The following CRLF3 variants were observed in gnomAD, a reference collection of about 807,000 sequenced individuals.
CRLF3 encodes cytokine receptor-like factor 3.
A neutral mutation model predicts 55.0 loss-of-function variants in CRLF3; 33 were observed. The observed-to-expected ratio is 0.60, with a 90% confidence interval of 0.46 to 0.80. The LOEUF (loss-of-function observed/expected upper bound fraction) is 0.80, where lower values mean the gene tolerates loss of function less well. Ranked by LOEUF, CRLF3 falls within the 30% of genes least tolerant of loss-of-function variation. The probability of loss-of-function intolerance (pLI) is 0.00; values close to 1 mark genes in which losing one functional copy is unlikely to be tolerated. For synonymous variants in CRLF3, 238 were observed against 196.8 expected (o/e 1.21, Z -1.75); for missense variants, 494 against 538.4 (o/e 0.92, Z 0.82).
chr17:30,800,377 C>T (rs1971988087), intron 2 of CRLF3, among the ~76,000 whole-genome samples: 1 of 152,154 alleles, frequency 6.6e-6, no homozygotes, highest in Non-Finnish European at 1.5e-5. Context: ...GTATTTCCAT[C>T]TTAAGCACCT....
At chr17:30,796,462 T>G in intron 3 of CRLF3, 125 bp from the exon 4 acceptor site, 1 of 636,630 alleles carries the variant, frequency 1.6e-6, no homozygotes, top group Non-Finnish European at 2.6e-6. Flanking sequence ...CTCATGGCAG[T>G]AGGGGATTTG....
intron 1 of CRLF3, among the ~76,000 whole-genome samples, chr17:30,804,563 A>C (rs557258108): frequency 6.6e-6 from 1 of 152,308 alleles, no homozygotes; most frequent in South Asian, 2.1e-4. Flanking sequence ...TAGATTCTAC[A>C]TATGAGATCG....
At chr17:30,824,130 G>T (rs1272852370) in intron 1 of CRLF3, among the ~76,000 whole-genome samples, 1 of 151,624 alleles carries the variant, frequency 6.6e-6, no homozygotes, top group Non-Finnish European at 1.5e-5. Context: ...CTCTTCCTCA[G>T]GCTCTCTAAA....
Position 30,793,555 on chromosome 17 carries a change from G to C in CRLF3, c.721C>G (p.Pro241Ala). 1 of 1,613,884 alleles carries C rather than the reference G, an allele frequency of 6.2e-7. No homozygotes were observed. Among genetic ancestry groups the C allele is most frequent in the East Asian group, 2.2e-5 (1 of 44,880 alleles). The stretch of plus-strand genomic sequence containing the variant: ...ACTCTGAACTGGTAATCAACGTTGG[G>C]GTCTATGTGCAATACTATGAATTCA... ...ETEFIVLHID[P>A]NVDYQFRVCA... The change falls in exon 5 of 8, where the codon CCC becomes GCC. Residue 241 changes from proline to alanine, a missense_variant. By Grantham distance (27) the Pro-to-Ala change is conservative (BLOSUM62 -1). Transcript: ENST00000324238.
intron 2 of CRLF3, among the ~76,000 whole-genome samples, chr17:30,798,085 AAAG>A (rs1971951718): frequency 1.3e-5 from 2 of 152,078 alleles, no homozygotes; most frequent in Admixed American, 1.3e-4. Flanking sequence ...AGAACAATAA[AAAG>A]AAAATGTCAG....
chr17:30,804,735 C>A (rs1904336383), intron 1 of CRLF3, among the ~76,000 whole-genome samples: 1 of 152,038 alleles, frequency 6.6e-6, no homozygotes, highest in South Asian at 2.1e-4. Flanking sequence ...AAATGTGATT[C>A]ATTTGCACAA....
rs57194440 is a variant in CRLF3, at chr17:30,815,541, CTT to C, written c.129+8980_129+8981del. Reference sequence around the variant, plus strand: ...CCGACCAGAAAATGGCTAGTTTCTTCTTTTTTTTTTTTTTTTTTTTGAGATGC... The same window carrying C: ...CCGACCAGAAAATGGCTAGTTTCTTCTTTTTTTTTTTTTTTTTTGAGATGC... On this transcript the variant is annotated intron_variant, in intron 1 of 7. Coordinates refer to ENST00000324238, the MANE Select transcript of CRLF3 (RefSeq NM_015986.4). Among the ~76,000 whole-genome samples, 653 of 116,338 alleles carry C rather than the reference CTT, an allele frequency of 5.6e-3. 4 individuals carry two copies. The highest frequency in any genetic ancestry group is 8.5e-3 in the Non-Finnish European group (485 of 57,286). The allele number at this position is 116,338 out of a possible 152,430, so 76.3% of individuals were successfully genotyped here.
At chr17:30,820,861 G>A (rs1904973984) in intron 1 of CRLF3, among the ~76,000 whole-genome samples, 1 of 149,832 alleles carries the variant, frequency 6.7e-6, no homozygotes, top group Admixed American at 6.7e-5. Flanking sequence ...AACTGTCTGG[G>A]AAACACAGGA....
chr17:30,785,194 G>A (rs1237042773), intron 7 of CRLF3: 5 of 144,804 alleles, frequency 3.5e-5, no homozygotes, highest in Non-Finnish European at 7.4e-5. Context: ...TCCTACCTCA[G>A]CCTCCCAAGT....
chr17:30,793,480 G>A lies in CRLF3; in HGVS notation c.796C>T (p.Gln266Ter). The part of the protein sequence containing the change: ...RQEWSPWSVP[Q>*]IGHSTLVPHE... ...GGCACCAATGTGGAATGACCTATCT[G>A]GGGGACACTCCAAGGACTCCACTCC... The change falls in exon 5 of 8, where the codon CAG becomes TAG. Residue 266 changes from glutamine (Q) to a stop codon, truncating the protein, a stop_gained. Transcript: ENST00000324238. LOFTEE classifies it high-confidence loss of function. The A allele has an allele frequency of 6.2e-7, 1 of 1,614,002 alleles. No individual in the cohort carries two copies. Among genetic ancestry groups the A allele is most frequent in the Non-Finnish European group, 8.5e-7 (1 of 1,179,928 alleles).
At chr17:30,785,890 C>G in intron 7 of CRLF3, 29 bp downstream of exon 7, 1 of 1,145,510 alleles carries the variant, frequency 8.7e-7, no homozygotes. Flanking sequence ...AATATATTTC[C>G]AAGAGAATGA....
chr17:30,782,760 T>G lies in CRLF3; in HGVS notation c.*1427A>C, dbSNP rs1352290449. 6.6e-6 allele frequency: 1 copy of G among 152,142 alleles called. No individual in the cohort carries two copies. The highest frequency in any genetic ancestry group is 1.5e-5 in the Non-Finnish European group (1 of 68,022). The allele number at this position is 152,142 out of a possible 1,614,324, so 9.4% of individuals were successfully genotyped here. ...CATTCTAGAACATCTTCTTAATCCC[T>G]AAACAAGTGGAAATCTACTACTTAT... On this transcript the variant is annotated 3_prime_UTR_variant, in exon 8 of 8. Coordinates refer to ENST00000324238, the MANE Select transcript of CRLF3 (RefSeq NM_015986.4).
intron 6 of CRLF3, chr17:30,786,926 CTGACCTCAGG>C (rs1971660980): frequency 6.6e-6 from 1 of 152,292 alleles, no homozygotes; most frequent in Non-Finnish European, 1.5e-5. Flanking sequence ...TCTCGAACTC[CTGACCTCAGG>C]TGATCCGCCT....
chr17:30,817,615 T>C (rs1567669156), intron 1 of CRLF3, among the ~76,000 whole-genome samples: 1 of 151,844 alleles, frequency 6.6e-6, no homozygotes, highest in Non-Finnish European at 1.5e-5. Flanking sequence ...TACATCAAAA[T>C]GTTAACTGCA....
intron 4 of CRLF3, among the ~76,000 whole-genome samples, chr17:30,795,486 A>G (rs552585699): frequency 4.1e-4 from 60 of 146,350 alleles, no homozygotes; most frequent in African/African-American, 1.5e-3. Flanking sequence ...ACAACAACGA[A>G]ACTCTGTCTC....
chr17:30,820,819 C>T (rs1904969204), intron 1 of CRLF3, among the ~76,000 whole-genome samples: 1 of 111,384 alleles, frequency 9.0e-6, no homozygotes, highest in Non-Finnish European at 1.8e-5. Context: ...GAGCGAGACT[C>T]TCTCAAAAAA....
intron 1 of CRLF3, among the ~76,000 whole-genome samples, chr17:30,814,899 G>T (rs937649540): frequency 1.3e-5 from 2 of 151,168 alleles, no homozygotes; most frequent in African/African-American, 4.9e-5. Flanking sequence ...TACTCGGAAG[G>T]CTGAAGGAGG....
At chr17:30,796,418 G>A (rs1286385182) in intron 3 of CRLF3, 81 bp from the exon 4 acceptor site, 2 of 1,121,176 alleles carry the variant, frequency 1.8e-6, no homozygotes, top group Non-Finnish European at 2.5e-6. Context: ...GCAGTCACAT[G>A]CTTGAAAGAT....
At chr17:30,813,163 G>A (rs917497173) in intron 1 of CRLF3, among the ~76,000 whole-genome samples, 2 of 152,066 alleles carry the variant, frequency 1.3e-5, no homozygotes, top group Admixed American at 6.6e-5. Context: ...AAAAATACAC[G>A]CTTAATTCTT....
Sources: allele counts gnomAD v4.1 joint callset (sites outside exome capture counted in the v4.1 genomes callset), GRCh38; gene constraint gnomAD v4.1.1; transcripts MANE v1.5; gene names NCBI Gene and HGNC (gene_info 2026-07-23, HGNC 2026-07-21).